The following CALN1 variants were observed in gnomAD, a reference collection of about 807,000 sequenced individuals.
The protein encoded by CALN1 is calneuron 1.
In CALN1, 17 loss-of-function variants were observed where a neutral mutation model predicts 30.6. The observed-to-expected ratio is 0.56, with a 90% CI of 0.38 to 0.83. The LOEUF (loss-of-function observed/expected upper bound fraction) is 0.83, where lower values mean the gene tolerates loss of function less well. Among genes scored for constraint, CALN1 ranks in the 40% least tolerant of loss-of-function variants. CALN1 has a pLI of 0.00. For synonymous variants in CALN1, 156 were observed against 131.4 expected, an observed-to-expected ratio of 1.19 and a Z score of -1.28; for missense variants, 291 against 354.9, an observed-to-expected ratio of 0.82 and a Z score of 1.45.
chr7:72,501,281 C>T, the CALN1 span, among the ~76,000 whole-genome samples: 1 of 145,052 alleles, frequency 6.9e-6, no homozygotes, highest in African/African-American at 2.6e-5. Flanking sequence ...GCTTGTAATC[C>T]TAGCACTTTG....
chr7:72,462,021 GA>G, the CALN1 span, among the ~76,000 whole-genome samples: 9,088 of 139,504 alleles, frequency 0.065, 299 homozygotes, highest in Non-Finnish European at 0.075. Flanking sequence ...AAGAAAGAAA[GA>G]AAAAAAAAAA....
intron 5 of CALN1, among the ~76,000 whole-genome samples, chr7:71,963,561 T>A (rs909278546): frequency 2.0e-5 from 3 of 152,166 alleles, no homozygotes; most frequent in Non-Finnish European, 4.4e-5. Context: ...CACCTTGGCC[T>A]CCCAAAGTGC....
intron 2 of CALN1, among the ~76,000 whole-genome samples, chr7:72,300,212 A>T (rs1266785987): frequency 6.6e-6 from 1 of 152,130 alleles, no homozygotes; most frequent in Non-Finnish European, 1.5e-5. Flanking sequence ...TACTGGTGAG[A>T]ATGTAATGGG....
Position 71,850,503 on chromosome 7 carries a change from C to T in CALN1, c.502-40011G>A, listed in dbSNP as rs542491642. Among the ~76,000 whole-genome samples, 12 of 152,334 alleles carry T rather than the reference C, an allele frequency of 7.9e-5. No individual in the cohort carries two copies. The South Asian group carries it at 2.5e-3, about 32-fold the overall frequency. ...AAAGCGCTGGGATTACAGGCGTGGG[C>T]CACTGTGCCAGCCTGACATTCTCTT... is the stretch of plus-strand genomic sequence containing the variant. On this transcript the variant is annotated intron_variant, in intron 5 of 6. Transcript: ENST00000395275.
At chr7:72,499,189 C>T in the CALN1 span, among the ~76,000 whole-genome samples, 1 of 152,002 alleles carries the variant, frequency 6.6e-6, no homozygotes, top group African/African-American at 2.4e-5. Flanking sequence ...TGCCACCACA[C>T]CTAGCTAATT....
rs1296398388 is a variant in CALN1, at chr7:71,889,682, C to T, written c.502-79190G>A. ...AGAATTTGAGCCACTTGGCTGGGCA[C>T]GGTGGCTCAAGCCTGTAATCCCAGC... On this transcript the variant is annotated intron_variant, in intron 5 of 6. Transcript: ENST00000395275. Among the ~76,000 whole-genome samples the T allele has an allele frequency of 5.3e-5, 8 of 152,298 alleles. No individual in the cohort carries two copies. In the East Asian group the frequency reaches 1.2e-3, roughly 22 times the overall value.
rs1584199418 is a variant in CALN1 at position 71,784,750 on chromosome 7, G to A, written c.*3025C>T. 1 of 398,408 alleles carries A rather than the reference G, an allele frequency of 2.5e-6. No homozygotes were observed. The highest frequency in any genetic ancestry group is 4.4e-5 in the Admixed American group (1 of 22,716). 24.7% of individuals were successfully genotyped at this position (398,408 alleles called of 1,614,324 possible). A position where few individuals can be genotyped will look rare whatever the true frequency, so the allele number is the denominator to read the frequency against. ...AGGTCACTGGTTCCTAAGTCCGGAG[G>A]ACAGAATGAGGGGTGAGCTATTCCC... On this transcript the variant is annotated 3_prime_UTR_variant, in exon 7 of 7. Coordinates refer to ENST00000395275, the MANE Select transcript of CALN1 (RefSeq NM_031468.4).
At chr7:72,497,952 C>T in the CALN1 span, among the ~76,000 whole-genome samples, 3 of 151,984 alleles carry the variant, frequency 2.0e-5, no homozygotes, top group Non-Finnish European at 4.4e-5. Flanking sequence ...GATAAAGAGA[C>T]AGAGAATCTC....
chr7:72,204,155 A>ATT (rs34607350), intron 3 of CALN1, among the ~76,000 whole-genome samples: 33,634 of 141,520 alleles, frequency 0.24, 5,027 homozygotes, highest in East Asian at 0.64. Flanking sequence ...CACCTGGCTA[A>ATT]TTTTTTTTTT....
intron 5 of CALN1, among the ~76,000 whole-genome samples, chr7:71,818,658 C>G (rs1329221142): frequency 6.6e-6 from 1 of 151,042 alleles, no homozygotes; most frequent in Non-Finnish European, 1.5e-5. Flanking sequence ...GCACTTGCCA[C>G]CATGACCAGC....
At chr7:72,253,667 A>G (rs1163586321) in intron 3 of CALN1, among the ~76,000 whole-genome samples, 1 of 152,190 alleles carries the variant, frequency 6.6e-6, no homozygotes, top group Non-Finnish European at 1.5e-5. Flanking sequence ...ATCATCTCCC[A>G]CCAGGTCTCT....
chr7:71,862,407 T>C (rs916035190), intron 5 of CALN1, among the ~76,000 whole-genome samples: 7 of 152,184 alleles, frequency 4.6e-5, no homozygotes, highest in Admixed American at 6.5e-5. Context: ...GTTCTCATGA[T>C]AGTGAATAAG....
At chr7:72,029,292 T>C (rs1801287568) in intron 4 of CALN1, among the ~76,000 whole-genome samples, 1 of 152,058 alleles carries the variant, frequency 6.6e-6, no homozygotes. Flanking sequence ...TTTGTATTTT[T>C]GGTAGAGATG....
At chr7:71,853,197 C>G (rs988137951) in intron 5 of CALN1, among the ~76,000 whole-genome samples, 14 of 152,002 alleles carry the variant, frequency 9.2e-5, no homozygotes, top group Admixed American at 9.2e-4. Flanking sequence ...CTGGCTGAGC[C>G]TCCCAAAGTG....
chr7:72,372,844 C>T (rs1804325958), intron 2 of CALN1, among the ~76,000 whole-genome samples: 1 of 152,150 alleles, frequency 6.6e-6, no homozygotes, highest in African/African-American at 2.4e-5. Context: ...GTCAAGGATA[C>T]AACTCTAAAT....
intron 2 of CALN1, among the ~76,000 whole-genome samples, chr7:72,352,016 T>C (rs756378418): frequency 2.5e-4 from 38 of 152,148 alleles, no homozygotes; most frequent in Non-Finnish European, 4.7e-4. Flanking sequence ...TGGTGGCTCA[T>C]GCCTGTAATC....
chr7:72,005,578 C>G (rs1190113732), intron 5 of CALN1, among the ~76,000 whole-genome samples: 1 of 152,140 alleles, frequency 6.6e-6, no homozygotes, highest in Admixed American at 6.6e-5. Context: ...GCAATCCCCC[C>G]ACCTCAGCCT....
At chr7:72,261,301 C>CT (rs1170019142) in intron 3 of CALN1, among the ~76,000 whole-genome samples, 1 of 152,064 alleles carries the variant, frequency 6.6e-6, no homozygotes, top group Non-Finnish European at 1.5e-5. Context: ...GAGCGAGACT[C>CT]TGTCTCAAAA....
chr7:72,344,947 G>A (rs6950883), intron 2 of CALN1, among the ~76,000 whole-genome samples: 144,935 of 147,384 alleles, frequency 0.98, 71,300 homozygotes, highest in Middle Eastern at 1. Context: ...TATATGAATT[G>A]TTTTATGTGG....
Sources: allele counts gnomAD v4.1 joint callset (sites outside exome capture counted in the v4.1 genomes callset), GRCh38; gene constraint gnomAD v4.1.1; transcripts MANE v1.5; gene names NCBI Gene and HGNC (gene_info 2026-07-23, HGNC 2026-07-21).